The following SPECC1 variants were observed in gnomAD, a reference collection of about 807,000 sequenced individuals.
SPECC1 encodes sperm antigen with calponin homology and coiled-coil domains 1.
A neutral mutation model predicts 104.1 loss-of-function variants in SPECC1; 62 were observed. The ratio of observed to expected loss-of-function variants is 0.60; its 90% CI spans 0.49 to 0.74. SPECC1 has a LOEUF of 0.74. SPECC1 is among the 30% of genes least tolerant of loss of function. The pLI, the probability that SPECC1 is intolerant of heterozygous loss-of-function variation, is 0.00. For synonymous variants in SPECC1, 513 were observed against 501.6 expected (o/e 1.02, Z -0.30); for missense variants, 1,306 against 1,310.5 (o/e 1.00, Z 0.05).
chr17:20,155,852 G>A (rs2152570757), intron 3 of SPECC1: 2 of 994,818 alleles, frequency 2.0e-6, no homozygotes, highest in East Asian at 5.0e-5. Context: ...GGGCCTTCTG[G>A]CAGCCAAGAA....
chr17:20,301,632 G>A (rs1412010076), intron 13 of SPECC1, among the ~76,000 whole-genome samples: 1 of 152,226 alleles, frequency 6.6e-6, no homozygotes, highest in East Asian at 1.9e-4. Context: ...TAACAAGCAT[G>A]TCTTCTATGA....
At chr17:20,155,916 C>T in intron 3 of SPECC1, 1 of 1,201,408 alleles carries the variant, frequency 8.3e-7, no homozygotes, top group Non-Finnish European at 1.0e-6. Flanking sequence ...GCGGGCCGCG[C>T]CTGGCGGGCG....
chr17:20,068,488 T>C (rs1185505061), intron 1 of SPECC1, among the ~76,000 whole-genome samples: 1 of 152,202 alleles, frequency 6.6e-6, no homozygotes, highest in Non-Finnish European at 1.5e-5. Flanking sequence ...TTCAATTCTT[T>C]TGGATATATA....
chr17:20,022,790 C>A (rs919532575), intron 1 of SPECC1, among the ~76,000 whole-genome samples: 1 of 152,148 alleles, frequency 6.6e-6, no homozygotes, highest in Non-Finnish European at 1.5e-5. Flanking sequence ...GAGGCAATAC[C>A]TTAAGGATAA....
chr17:20,308,006 AGATGAT>A (rs1307379341), intron 14 of SPECC1, among the ~76,000 whole-genome samples: 1 of 152,224 alleles, frequency 6.6e-6, no homozygotes, highest in Non-Finnish European at 1.5e-5. Flanking sequence ...GAAAATTCAC[AGATGAT>A]GATGATGAAT....
intron 7 of SPECC1, among the ~76,000 whole-genome samples, chr17:20,239,878 GTTTTTTTTTTTTTTTTTTTT>G (rs60216339): frequency 1.4e-4 from 5 of 36,912 alleles, no homozygotes; most frequent in South Asian, 2.0e-3. Context: ...ATTTCGCTGA[GTTTTTTTTTTTTTTTTTTTT>G]TTTTTTTTTT....
At chr17:20,276,655 T>C (rs2040585529) in intron 12 of SPECC1, among the ~76,000 whole-genome samples, 1 of 152,142 alleles carries the variant, frequency 6.6e-6, no homozygotes, top group Admixed American at 6.5e-5. Flanking sequence ...GTAAGGTGTG[T>C]GAGTTGAAGA....
chr17:20,232,048 C>T, intron 6 of SPECC1, 152 bp from the exon 7 acceptor site: 4 of 980,692 alleles, frequency 4.1e-6, no homozygotes, highest in Non-Finnish European at 6.2e-6. Context: ...CCACCAGTGC[C>T]TTTTCCTAGC....
chr17:20,282,146 G>A (rs2040793025), intron 12 of SPECC1, among the ~76,000 whole-genome samples: 1 of 152,274 alleles, frequency 6.6e-6, no homozygotes. Context: ...AAGAAACGCC[G>A]TGGGTGGGGA....
At position 20,262,179 on chromosome 17, in the gene SPECC1, G is replaced by A. The variant is rs189800665; in HGVS notation, c.2940+1885G>A. ...CTTCACCATTTAGTAACCCATTGTA[G>A]GATTATACCATTATTTATCCATTCG... On this transcript the variant is annotated intron_variant, in intron 12 of 14. Transcript: ENST00000395527. Among the ~76,000 whole-genome samples, 16 of 152,198 alleles carry A rather than the reference G, an allele frequency of 1.1e-4. No homozygotes were observed. In the East Asian group the frequency reaches 2.9e-3, roughly 28 times the overall value.
intron 1 of SPECC1, among the ~76,000 whole-genome samples, chr17:20,091,967 G>A (rs928691663): frequency 1.3e-5 from 2 of 152,174 alleles, no homozygotes; most frequent in Non-Finnish European, 2.9e-5. Flanking sequence ...GGAACAGCGT[G>A]TTTTCAGGGA....
chr17:20,271,679 C>T (rs1362351595), intron 12 of SPECC1, among the ~76,000 whole-genome samples: 1 of 152,132 alleles, frequency 6.6e-6, no homozygotes, highest in African/African-American at 2.4e-5. Flanking sequence ...CCCTCTATGC[C>T]TGGTGCACAG....
At chr17:20,020,634 C>A (rs571313259) in intron 1 of SPECC1, among the ~76,000 whole-genome samples, 1 of 152,276 alleles carries the variant, frequency 6.6e-6, no homozygotes, top group African/African-American at 2.4e-5. Context: ...GCCTGGCCCT[C>A]CCTTTCCTTG....
At chr17:20,286,630 C>T (rs1403650733) in intron 12 of SPECC1, among the ~76,000 whole-genome samples, 4 of 152,170 alleles carry the variant, frequency 2.6e-5, no homozygotes, top group South Asian at 4.1e-4. Flanking sequence ...AGGACTTGCC[C>T]GGCCACCCAT....
At chr17:20,152,400 G>C (rs548904968) in intron 3 of SPECC1, among the ~76,000 whole-genome samples, 1 of 152,192 alleles carries the variant, frequency 6.6e-6, no homozygotes, top group Non-Finnish European at 1.5e-5. Context: ...CAGACCAAAG[G>C]GGGGTGATAA....
At chr17:20,033,033 C>T (rs1203615523) in intron 1 of SPECC1, among the ~76,000 whole-genome samples, 6 of 150,794 alleles carry the variant, frequency 4.0e-5, no homozygotes, top group South Asian at 4.2e-4. Flanking sequence ...GGCGTGATCT[C>T]GGCTCACTGC....
At chr17:20,187,498 A>G (rs533266833) in intron 3 of SPECC1, among the ~76,000 whole-genome samples, 4 of 152,250 alleles carry the variant, frequency 2.6e-5, no homozygotes, top group East Asian at 1.9e-4. Flanking sequence ...CAGTACCATC[A>G]CATAGCCATG....
chr17:20,098,866 T>A (rs117297379), intron 2 of SPECC1, among the ~76,000 whole-genome samples: 1 of 152,320 alleles, frequency 6.6e-6, no homozygotes, highest in South Asian at 2.1e-4. Context: ...GACTGTATGC[T>A]TCTTTTTTGT....
intron 1 of SPECC1, among the ~76,000 whole-genome samples, chr17:20,029,641 A>T (rs547838215): frequency 3.4e-4 from 51 of 152,124 alleles, no homozygotes; most frequent in Non-Finnish European, 6.2e-4. Context: ...TTCTTGAGTA[A>T]ATTTTGGTAG....
Sources: gnomAD v4.1 joint callset for allele counts (sites outside exome capture counted in the v4.1 genomes callset) on GRCh38, gnomAD v4.1.1 for gene constraint, MANE v1.5 for transcripts, NCBI Gene and HGNC (gene_info 2026-07-23, HGNC 2026-07-21) for gene names.